The following KANSL1L variants were observed in gnomAD, a reference collection of about 807,000 sequenced individuals.
The protein encoded by KANSL1L is KAT8 regulatory NSL complex subunit 1-like protein.
In KANSL1L, 25 loss-of-function variants were observed where a neutral mutation model predicts 108.6. The ratio of observed to expected loss-of-function variants is 0.23; its 90% CI spans 0.17 to 0.32. The LOEUF is 0.32. KANSL1L is among the 10% of genes least tolerant of loss of function. KANSL1L has a pLI of 1.00. For synonymous variants in KANSL1L, 405 were observed against 395.1 expected (o/e 1.03, Z -0.30); for missense variants, 1,137 against 1,125.7 (o/e 1.01, Z -0.14).
At chr2:210,061,829 A>C (rs2094423097) in intron 6 of KANSL1L, among the ~76,000 whole-genome samples, 1 of 152,244 alleles carries the variant, frequency 6.6e-6, no homozygotes, top group Non-Finnish European at 1.5e-5. Context: ...TCATAGAAAG[A>C]AACAGTCTGA....
chr2:210,164,356 G>A (rs1461000047), intron 1 of KANSL1L, among the ~76,000 whole-genome samples: 1 of 152,010 alleles, frequency 6.6e-6, no homozygotes, highest in Non-Finnish European at 1.5e-5. Context: ...TCCTCAAATA[G>A]CTTTCTAAAA....
In KANSL1L at chr2:210,037,440, T is replaced by C. The variant is rs143570362; in HGVS notation, c.2029+2980A>G. Among the ~76,000 whole-genome samples the C allele has an allele frequency of 7.7e-3, 1,167 of 152,318 alleles. 15 individuals are homozygous for C. The highest frequency in any genetic ancestry group is 0.026 in the African/African-American group (1,101 of 41,576). ...TCGGGACAAATTCCAACAAGTGAAA[T>C]CGCATCATTAAAAGGTAACTGCACA... On this transcript the variant is annotated intron_variant, in intron 8 of 14. Transcript: ENST00000281772.
At chr2:210,067,314 T>G (rs912287249) in intron 6 of KANSL1L, among the ~76,000 whole-genome samples, 2 of 152,202 alleles carry the variant, frequency 1.3e-5, no homozygotes, top group Non-Finnish European at 1.5e-5. Flanking sequence ...ATATATTCTA[T>G]TGCTCTCTTT....
rs142138550 is a variant in KANSL1L, at chr2:210,110,361, A to G, written c.1231-6060T>C. 1.9e-3 allele frequency among the ~76,000 whole-genome samples: 288 copies of G among 152,236 alleles called. 1 individual carries two copies. Among genetic ancestry groups the G allele is most frequent in the Middle Eastern group, 3.4e-3 (1 of 294 alleles). On this transcript the variant is annotated intron_variant, in intron 3 of 14. Coordinates refer to ENST00000281772, the MANE Select transcript of KANSL1L (RefSeq NM_152519.4). ...CCTTTATTATTCAAAGGTTTTCTCA[A>G]TCCTATCTCTTATCATATAAAGTGT...
intron 3 of KANSL1L, among the ~76,000 whole-genome samples, chr2:210,114,441 C>G (rs374525182): frequency 6.6e-6 from 1 of 152,094 alleles, no homozygotes; most frequent in Non-Finnish European, 1.5e-5. Context: ...TACCAGTAGA[C>G]CTACTCTGCA....
intron 6 of KANSL1L, among the ~76,000 whole-genome samples, chr2:210,046,639 G>T (rs115664640): frequency 1.3e-3 from 201 of 152,122 alleles, no homozygotes; most frequent in African/African-American, 4.7e-3. Context: ...GACCCAGTAG[G>T]CTATGGTCCC....
At chr2:210,061,668 T>C (rs564652538) in intron 6 of KANSL1L, among the ~76,000 whole-genome samples, 3 of 152,258 alleles carry the variant, frequency 2.0e-5, no homozygotes, top group South Asian at 2.1e-4. Flanking sequence ...CAAAGAAGCA[T>C]AGATTCTCCA....
At chr2:210,089,840 C>T (rs1476063836) in intron 5 of KANSL1L, among the ~76,000 whole-genome samples, 4 of 151,862 alleles carry the variant, frequency 2.6e-5, no homozygotes, top group Non-Finnish European at 5.9e-5. Flanking sequence ...GGCAAGTAGA[C>T]CAAAGGCAAG....
chr2:210,150,000 G>C (rs570838514), intron 2 of KANSL1L, among the ~76,000 whole-genome samples: 2 of 152,034 alleles, frequency 1.3e-5, no homozygotes, highest in Admixed American at 6.5e-5. Flanking sequence ...GTATAGATCA[G>C]ATGAGTTTAA....
intron 2 of KANSL1L, among the ~76,000 whole-genome samples, chr2:210,148,141 AT>A (rs534536542): frequency 5.9e-5 from 9 of 151,934 alleles, no homozygotes; most frequent in Admixed American, 2.6e-4. Context: ...AAATAGTGGG[AT>A]TTTTTTTCCC....
At chr2:210,080,123 C>T (rs761107230) in intron 5 of KANSL1L, among the ~76,000 whole-genome samples, 6 of 142,860 alleles carry the variant, frequency 4.2e-5, no homozygotes, top group Non-Finnish European at 7.6e-5. Context: ...GCCCTGCCAC[C>T]CTACAACACA....
Position 210,171,283 on chromosome 2 carries a change from C to T in KANSL1L, c.-164G>A, listed in dbSNP as rs1040812463. 34 of 180,518 alleles carry T rather than the reference C, an allele frequency of 1.9e-4. No individual in the cohort carries two copies. In the South Asian group the frequency reaches 2.2e-3, roughly 12 times the overall value. The allele number at this position is 180,518 out of a possible 1,614,324, so 11.2% of individuals were successfully genotyped here. On this transcript the variant is annotated 5_prime_UTR_variant, in exon 1 of 15. Transcript: ENST00000281772. The stretch of plus-strand genomic sequence containing the variant: ...GCTGACTCGTCTCCAGAGCGCGCCC[C>T]GCTCCCGCCCCGGCCGCCGCCGCCG...
intron 6 of KANSL1L, among the ~76,000 whole-genome samples, chr2:210,072,608 A>G (rs915638864): frequency 3.3e-5 from 5 of 152,170 alleles, no homozygotes; most frequent in Non-Finnish European, 5.9e-5. Flanking sequence ...CATAAGGAGC[A>G]CACAACCTAC....
At chr2:210,136,400 A>T (rs1558551) in intron 2 of KANSL1L, among the ~76,000 whole-genome samples, 3 of 151,998 alleles carry the variant, frequency 2.0e-5, no homozygotes. Context: ...CCTGTAAAAT[A>T]GTCTTAAATA....
At chr2:210,121,223 T>C (rs750920792) in intron 3 of KANSL1L, among the ~76,000 whole-genome samples, 11 of 152,264 alleles carry the variant, frequency 7.2e-5, no homozygotes, top group African/African-American at 2.4e-4. Flanking sequence ...CTATGCACAA[T>C]AGCAAAGGCA....
intron 6 of KANSL1L, among the ~76,000 whole-genome samples, chr2:210,060,313 C>T (rs1305682358): frequency 6.6e-6 from 1 of 152,198 alleles, no homozygotes; most frequent in Non-Finnish European, 1.5e-5. Flanking sequence ...TTTTGCAAAT[C>T]TGCCATAGGA....
intron 2 of KANSL1L, among the ~76,000 whole-genome samples, chr2:210,145,025 A>G (rs1412344425): frequency 6.6e-6 from 1 of 152,222 alleles, no homozygotes; most frequent in Admixed American, 6.5e-5. Flanking sequence ...GCAGTGTGAC[A>G]GTTCTGACTC....
intron 2 of KANSL1L, among the ~76,000 whole-genome samples, chr2:210,148,487 A>G (rs1002842791): frequency 6.6e-6 from 1 of 152,206 alleles, no homozygotes; most frequent in African/African-American, 2.4e-5. Context: ...AATAAAAAGA[A>G]CATTGGAGGC....
At chr2:210,031,759 G>T (rs1016166808) in intron 8 of KANSL1L, among the ~76,000 whole-genome samples, 7 of 152,150 alleles carry the variant, frequency 4.6e-5, no homozygotes, top group African/African-American at 1.7e-4. Flanking sequence ...GGGATGAAAA[G>T]GGAAGATGAT....
Sources: allele counts gnomAD v4.1 joint callset (sites outside exome capture counted in the v4.1 genomes callset), GRCh38; gene constraint gnomAD v4.1.1; transcripts MANE v1.5; gene names NCBI Gene and HGNC (gene_info 2026-07-23, HGNC 2026-07-21).